Variants in RASSF3 observed in about 807,000 individuals in gnomAD.
The protein encoded by RASSF3 is Ras association domain family member 3, also known as ras association domain-containing protein 3.
In RASSF3, 19 loss-of-function variants were observed where a neutral mutation model predicts 19.9. The observed-to-expected ratio is 0.96, with a 90% CI of 0.67 to 1.40. The LOEUF (loss-of-function observed/expected upper bound fraction) is 1.40. Among genes scored for constraint, RASSF3 ranks in the 40% most tolerant of loss-of-function variants. The probability of loss-of-function intolerance (pLI) is 0.00; values close to 1 mark genes in which losing one functional copy is unlikely to be tolerated. For missense variants in RASSF3, 306 were observed against 289.8 expected, an observed-to-expected ratio of 1.06 and a Z score of -0.41; for synonymous variants, 110 against 104.2, an observed-to-expected ratio of 1.06 and a Z score of -0.34.
chr12:64,688,105 CAAG>C (rs1158172830), intron 2 of RASSF3, 108 bp from the exon 3 acceptor site: 10 of 796,920 alleles, frequency 1.3e-5, no homozygotes, highest in African/African-American at 1.7e-5. Context: ...CCACAAACCT[CAAG>C]AGAAGAGAAC....
At chr12:64,542,278 A>T (rs1868946792), downstream of RASSF3, among the ~76,000 whole-genome samples, 1 of 152,194 alleles carries the variant, frequency 6.6e-6, no homozygotes, top group African/African-American at 2.4e-5. Flanking sequence ...CATTAAGCTG[A>T]GATTCTGCCA....
intron 1 of RASSF3, among the ~76,000 whole-genome samples, chr12:64,613,938 A>T (rs1246481406): frequency 2.0e-5 from 3 of 152,078 alleles, no homozygotes; most frequent in African/African-American, 2.4e-5. Flanking sequence ...ACAGAGCGAG[A>T]CCCTGTCTCA....
chr12:64,692,621 GC>G (rs1868301366), intron 4 of RASSF3, among the ~76,000 whole-genome samples: 1 of 152,150 alleles, frequency 6.6e-6, no homozygotes, highest in Non-Finnish European at 1.5e-5. Context: ...CATTCCCTCT[GC>G]CAGCTTAAGC....
intron 1 of RASSF3, among the ~76,000 whole-genome samples, chr12:64,507,929 A>G (rs1868301891): frequency 6.6e-6 from 1 of 152,102 alleles, no homozygotes; most frequent in African/African-American, 2.4e-5. Flanking sequence ...GGTTAAAGGG[A>G]GTAGATGACC....
At chr12:64,675,713 A>G (rs547057532) in intron 1 of RASSF3, among the ~76,000 whole-genome samples, 26 of 152,118 alleles carry the variant, frequency 1.7e-4, no homozygotes, top group Non-Finnish European at 2.6e-4. Flanking sequence ...TGATGCATCT[A>G]TTGCTACAAG....
At chr12:64,646,181 T>A (rs1871727473) in intron 1 of RASSF3, among the ~76,000 whole-genome samples, 1 of 152,250 alleles carries the variant, frequency 6.6e-6, no homozygotes, top group South Asian at 2.1e-4. Context: ...TTGTAGAACG[T>A]GTCCTTTGGT....
At chr12:64,610,177 G>A (rs1468106762), upstream of RASSF3, among the ~76,000 whole-genome samples, 3 of 152,230 alleles carry the variant, frequency 2.0e-5, no homozygotes, top group Non-Finnish European at 4.4e-5. Flanking sequence ...GAGGCTGGGG[G>A]CGGGCGGACG....
At chr12:64,649,480 C>G (rs1871863186) in intron 1 of RASSF3, among the ~76,000 whole-genome samples, 1 of 152,174 alleles carries the variant, frequency 6.6e-6, no homozygotes, top group Admixed American at 6.5e-5. Context: ...GCATGAGCCA[C>G]TGCGCCTGGC....
intron 1 of RASSF3, among the ~76,000 whole-genome samples, chr12:64,527,781 AAAT>A (rs141372637): frequency 0.052 from 7,944 of 151,878 alleles, 549 homozygotes; most frequent in East Asian, 0.22. Flanking sequence ...CTAAAAATAC[AAAT>A]ATTAGCTGAG....
At chr12:64,597,224 C>T (rs944487011) in intron 2 of RASSF3, among the ~76,000 whole-genome samples, 7 of 152,044 alleles carry the variant, frequency 4.6e-5, no homozygotes, top group African/African-American at 1.7e-4. Context: ...CCTCCACCTC[C>T]TGGGTTCAAG....
chr12:64,679,299 T>C (rs898557332), intron 1 of RASSF3, among the ~76,000 whole-genome samples: 5 of 152,234 alleles, frequency 3.3e-5, no homozygotes, highest in Non-Finnish European at 5.9e-5. Context: ...GACCTCGTGA[T>C]CCACCCACCT....
chr12:64,551,498 C>T (rs543920236), intron 2 of RASSF3, among the ~76,000 whole-genome samples: 161 of 152,144 alleles, frequency 1.1e-3, no homozygotes, highest in Non-Finnish European at 1.8e-3. Flanking sequence ...ATCACTTGAA[C>T]CTGGGAGGTT....
chr12:64,507,883 T>C (rs962155637), intron 1 of RASSF3, among the ~76,000 whole-genome samples: 2 of 152,172 alleles, frequency 1.3e-5, no homozygotes, highest in Admixed American at 6.5e-5. Flanking sequence ...TGTCCAGTCC[T>C]GCCTGACTGG....
At chr12:64,634,973 T>C (rs1191576261) in intron 1 of RASSF3, among the ~76,000 whole-genome samples, 8 of 149,082 alleles carry the variant, frequency 5.4e-5, no homozygotes, top group African/African-American at 1.5e-4. Context: ...TTTTCTTTTT[T>C]TTTTTTTTTT....
chr12:64,696,375 A>G lies in RASSF3; in HGVS notation c.*1463A>G, dbSNP rs1238674031. 1.3e-5 allele frequency: 2 copies of G among 152,214 alleles called. No individual in the cohort carries two copies. Among genetic ancestry groups the G allele is most frequent in the African/African-American group, 4.8e-5 (2 of 41,438 alleles). The allele number at this position is 152,214 out of a possible 1,614,324, so 9.4% of individuals were successfully genotyped here. ...TACCAACCAAAGAGATGCATGTGCA[A>G]TAGAAGCCTTCCTTAAAAACAGGCT... On this transcript the variant is annotated 3_prime_UTR_variant, in exon 5 of 5. Transcript: ENST00000542104.
chr12:64,644,154 C>G (rs1041205508), intron 1 of RASSF3, among the ~76,000 whole-genome samples: 2 of 152,114 alleles, frequency 1.3e-5, no homozygotes, highest in Non-Finnish European at 2.9e-5. Context: ...GTTTAAATTG[C>G]ATTAAAAAAC....
At chr12:64,534,949 A>G (rs1457373911) in intron 1 of RASSF3, among the ~76,000 whole-genome samples, 2 of 152,082 alleles carry the variant, frequency 1.3e-5, no homozygotes, top group Non-Finnish European at 2.9e-5. Flanking sequence ...GCATTACCAT[A>G]TTTCCTCATC....
At chr12:64,676,691 A>G (rs1311768218) in intron 1 of RASSF3, among the ~76,000 whole-genome samples, 1 of 151,574 alleles carries the variant, frequency 6.6e-6, no homozygotes, top group East Asian at 1.9e-4. Context: ...CGCTGGTCTC[A>G]AACTCCTGAC....
chr12:64,651,706 A>G (rs758076989), intron 1 of RASSF3, among the ~76,000 whole-genome samples: 1 of 152,104 alleles, frequency 6.6e-6, no homozygotes, highest in African/African-American at 2.4e-5. Context: ...ACTGTTACCC[A>G]GGATGGAGTG....
Sources: gnomAD v4.1 joint callset for allele counts (sites outside exome capture counted in the v4.1 genomes callset) on GRCh38, gnomAD v4.1.1 for gene constraint, MANE v1.5 for transcripts, NCBI Gene and HGNC (gene_info 2026-07-23, HGNC 2026-07-21) for gene names.